Variants in NBAS observed in about 807,000 individuals in gnomAD.
NBAS encodes the protein NAG/BC035112 fusion.
Under a neutral mutation model 302.5 loss-of-function variants are expected in NBAS, and 219 were observed. The observed-to-expected ratio is 0.72, with a 90% CI of 0.65 to 0.81. NBAS has a LOEUF of 0.81. Among genes scored for constraint, NBAS ranks in the 30% least tolerant of loss-of-function variants. NBAS has a pLI of 0.00. For missense variants in NBAS, 2,932 were observed against 2,841.6 expected, an observed-to-expected ratio of 1.03 and a Z score of -0.72; for synonymous variants, 1,118 against 1,021.6, an observed-to-expected ratio of 1.09 and a Z score of -1.80.
intron 11 of NBAS, among the ~76,000 whole-genome samples, chr2:15,498,052 G>A (rs963828059): frequency 6.0e-4 from 91 of 152,036 alleles, no homozygotes; most frequent in African/African-American, 2.2e-3. Flanking sequence ...CTGATTCTCC[G>A]TAACTAATCT....
intron 25 of NBAS, among the ~76,000 whole-genome samples, 161 bp downstream of exon 25, chr2:15,415,385 G>A (rs978483491): frequency 1.3e-5 from 2 of 152,082 alleles, no homozygotes; most frequent in Non-Finnish European, 1.5e-5. Flanking sequence ...ACAACCTTTT[G>A]ACTATGCTGT....
chr2:15,071,123 G>A, the NBAS span, among the ~76,000 whole-genome samples: 29 of 152,168 alleles, frequency 1.9e-4, no homozygotes, highest in African/African-American at 6.3e-4. Context: ...TCCTCCTCTG[G>A]AAGAAGGGCC....
At chr2:15,025,623 T>C in the NBAS span, among the ~76,000 whole-genome samples, 1 of 152,180 alleles carries the variant, frequency 6.6e-6, no homozygotes, top group Non-Finnish European at 1.5e-5. Context: ...TTTCTTTGTG[T>C]CACATCTGAT....
chr2:15,009,690 A>G, the NBAS span, among the ~76,000 whole-genome samples: 23 of 41,046 alleles, frequency 5.6e-4, no homozygotes, highest in African/African-American at 2.2e-3. Flanking sequence ...ATATGTAGGA[A>G]TGCATATATA....
rs74728533 is a variant in NBAS at position 15,419,585 on chromosome 2, C to T, written c.2578-1873G>A. 5.8e-3 allele frequency among the ~76,000 whole-genome samples: 878 copies of T among 152,272 alleles called. 7 individuals are homozygous for T. Among genetic ancestry groups the T allele is most frequent in the African/African-American group, 0.019 (792 of 41,556 alleles). ...TAAAGGCGCATGCCACCATGCCATGCCTGGCTTTTAATTCTATATTGACCA... is the reference window on the plus strand; with the variant it reads ...TAAAGGCGCATGCCACCATGCCATGTCTGGCTTTTAATTCTATATTGACCA... On this transcript the variant is annotated intron_variant, in intron 23 of 51. Coordinates refer to ENST00000281513, the MANE Select transcript of NBAS (RefSeq NM_015909.4).
the NBAS span, among the ~76,000 whole-genome samples, chr2:14,873,712 C>CCA: frequency 6.8e-6 from 1 of 146,584 alleles, no homozygotes; most frequent in Non-Finnish European, 1.5e-5. Flanking sequence ...CCCACACATA[C>CCA]CACACATATT....
intron 48 of NBAS, among the ~76,000 whole-genome samples, chr2:15,212,754 C>T (rs527258011): frequency 6.6e-6 from 1 of 152,300 alleles, no homozygotes; most frequent in East Asian, 1.9e-4. Context: ...GCCTCCTTCG[C>T]TTGGCTTTCA....
At chr2:15,446,961 A>G (rs1369594282) in intron 21 of NBAS, among the ~76,000 whole-genome samples, 1 of 152,060 alleles carries the variant, frequency 6.6e-6, no homozygotes, top group East Asian at 1.9e-4. Flanking sequence ...AAATATTCAA[A>G]TCAAAAGAAA....
chr2:15,012,133 A>C, the NBAS span, among the ~76,000 whole-genome samples: 20 of 152,254 alleles, frequency 1.3e-4, no homozygotes, highest in Non-Finnish European at 1.9e-4. Flanking sequence ...AAGGACACTC[A>C]GGAAAATATT....
intron 51 of NBAS, among the ~76,000 whole-genome samples, chr2:15,168,887 C>G (rs1462981812): frequency 6.6e-6 from 1 of 152,186 alleles, no homozygotes; most frequent in Non-Finnish European, 1.5e-5. Context: ...CTTTGGCCTC[C>G]CAAAGGGCTG....
chr2:15,502,529 C>T (rs1376318950), intron 11 of NBAS, among the ~76,000 whole-genome samples: 1 of 152,242 alleles, frequency 6.6e-6, no homozygotes, highest in Non-Finnish European at 1.5e-5. Flanking sequence ...ACCTGCTCAG[C>T]ATGCTACTCT....
At chr2:15,186,193 A>T (rs1368793310) in intron 50 of NBAS, among the ~76,000 whole-genome samples, 12 of 150,782 alleles carry the variant, frequency 8.0e-5, no homozygotes, top group Admixed American at 6.0e-4. Flanking sequence ...TATATATATA[A>T]AATATATATG....
intron 48 of NBAS, among the ~76,000 whole-genome samples, chr2:15,205,317 C>T (rs7606594): frequency 1.3e-5 from 2 of 151,304 alleles, no homozygotes; most frequent in South Asian, 2.1e-4. Flanking sequence ...CTTCACTAAA[C>T]GGAAGACAGG....
chr2:14,823,858 A>T, the NBAS span, among the ~76,000 whole-genome samples: 77 of 152,362 alleles, frequency 5.1e-4, no homozygotes, highest in African/African-American at 1.8e-3. Context: ...ACAAAAATGT[A>T]AACATTTTCC....
At chr2:14,975,897 A>G in the NBAS span, among the ~76,000 whole-genome samples, 2 of 152,198 alleles carry the variant, frequency 1.3e-5, no homozygotes, top group South Asian at 4.1e-4. Flanking sequence ...CCACCTCAAC[A>G]TATGTGTGGT....
chr2:14,877,998 G>A, the NBAS span, among the ~76,000 whole-genome samples: 3 of 151,994 alleles, frequency 2.0e-5, no homozygotes, highest in Admixed American at 1.3e-4. Flanking sequence ...AAAAGCCTGC[G>A]ATACTGTACC....
In NBAS at chr2:15,227,891, G is replaced by C. The variant is rs557806810; in HGVS notation, c.6236+4531C>G. Among the ~76,000 whole-genome samples, 13 of 152,158 alleles carry C rather than the reference G, an allele frequency of 8.5e-5. No individual in the cohort carries two copies. In the East Asian group the frequency reaches 2.3e-3, roughly 27 times the overall value. On this transcript the variant is annotated intron_variant, in intron 47 of 51. Transcript: ENST00000281513. ...ACCCAAAAATATGAAACTAGTAGAA[G>C]AAAACACAAGACAAAAGTATTATAA...
intron 29 of NBAS, among the ~76,000 whole-genome samples, chr2:15,381,977 G>A (rs551199382): frequency 1.3e-5 from 2 of 152,166 alleles, no homozygotes; most frequent in South Asian, 2.1e-4. Flanking sequence ...AGAGCAAAGC[G>A]ACACAAGAAA....
intron 45 of NBAS, among the ~76,000 whole-genome samples, chr2:15,238,176 C>A (rs975525365): frequency 6.6e-6 from 1 of 152,170 alleles, no homozygotes; most frequent in Non-Finnish European, 1.5e-5. Context: ...TCACCCCAGG[C>A]AGCTATCCAT....
Sources: gnomAD v4.1 joint callset for allele counts (sites outside exome capture counted in the v4.1 genomes callset) on GRCh38, gnomAD v4.1.1 for gene constraint, MANE v1.5 for transcripts, NCBI Gene and HGNC (gene_info 2026-07-23, HGNC 2026-07-21) for gene names.